JAKMIP2: variants seen among roughly 807,000 people sequenced by gnomAD.
JAKMIP2 encodes janus kinase and microtubule interacting protein 2, also known as janus kinase and microtubule-interacting protein 2.
JAKMIP2 carries 25 observed loss-of-function variants against 115.0 expected under a neutral mutation model. The observed-to-expected ratio is 0.22, with a 90% CI of 0.16 to 0.30. The LOEUF (loss-of-function observed/expected upper bound fraction) is 0.30. JAKMIP2 is among the 10% of genes least tolerant of loss of function. The probability of loss-of-function intolerance (pLI) is 1.00; values close to 1 mark genes in which losing one functional copy is unlikely to be tolerated. For missense variants in JAKMIP2, 642 were observed against 957.6 expected, an observed-to-expected ratio of 0.67 and a Z score of 4.35; for synonymous variants, 334 against 343.6, an observed-to-expected ratio of 0.97 and a Z score of 0.31.
chr5:147,746,481 G>A (rs1398542570), intron 1 of JAKMIP2, among the ~76,000 whole-genome samples: 3 of 151,516 alleles, frequency 2.0e-5, no homozygotes, highest in African/African-American at 4.8e-5. Context: ...ATGAATATAT[G>A]TAAATATAAT....
chr5:147,649,756 A>G (rs967242848), intron 4 of JAKMIP2, among the ~76,000 whole-genome samples: 8 of 152,188 alleles, frequency 5.3e-5, no homozygotes, highest in Non-Finnish European at 1.2e-4. Flanking sequence ...CCATTATTAT[A>G]GCAGCAAAAT....
At chr5:147,709,906 C>T (rs1026639137) in intron 1 of JAKMIP2, among the ~76,000 whole-genome samples, 2 of 152,078 alleles carry the variant, frequency 1.3e-5, no homozygotes, top group Non-Finnish European at 2.9e-5. Context: ...TTCTCCTAAT[C>T]GTAGTCTTTC....
At chr5:147,774,341 CA>C (rs1269454268) in intron 1 of JAKMIP2, among the ~76,000 whole-genome samples, 1 of 152,126 alleles carries the variant, frequency 6.6e-6, no homozygotes, top group Non-Finnish European at 1.5e-5. Flanking sequence ...ATAATATCTT[CA>C]AAACATCTAA....
In JAKMIP2 at chr5:147,626,203, G is replaced by C. The variant is rs559115014; in HGVS notation, c.1996-2514C>G. Among the ~76,000 whole-genome samples, 4 of 152,326 alleles carry C rather than the reference G, an allele frequency of 2.6e-5. No homozygotes were observed. The East Asian group carries it at 5.8e-4, about 22-fold the overall frequency. On this transcript the variant is annotated intron_variant, in intron 16 of 21. Transcript: ENST00000616793. ...TAAATTTAATCTGTGCTTTGCAAAA[G>C]TCTGCACAAAAGGCAGCTGAACAGA...
chr5:147,715,282 G>C (rs1752930758), intron 1 of JAKMIP2, among the ~76,000 whole-genome samples: 1 of 151,612 alleles, frequency 6.6e-6, no homozygotes, highest in Non-Finnish European at 1.5e-5. Context: ...AACATAATGA[G>C]GTAGTAGATT....
intron 1 of JAKMIP2, among the ~76,000 whole-genome samples, chr5:147,694,730 CT>C (rs1487459982): frequency 3.3e-5 from 5 of 152,194 alleles, no homozygotes; most frequent in Non-Finnish European, 5.9e-5. Flanking sequence ...CAGATTCACT[CT>C]TCTTTGCTGT....
At position 147,652,190 on chromosome 5, in the gene JAKMIP2, C is replaced by A. The variant is rs149848853; in HGVS notation, c.628-1643G>T. Among the ~76,000 whole-genome samples the A allele has an allele frequency of 1.8e-4, 28 of 152,172 alleles. No homozygotes were observed. The East Asian group carries it at 5.2e-3, about 28-fold the overall frequency. On this transcript the variant is annotated intron_variant, in intron 3 of 21. Transcript: ENST00000616793. ...GTCGTCATCATTTTACAGGTGATGA[C>A]TGAGGACCTGAAAGCTTAAAAACTT...
intron 1 of JAKMIP2, 102 bp from the exon 2 acceptor site, chr5:147,672,056 G>GTA: frequency 1.3e-6 from 1 of 756,986 alleles, no homozygotes; most frequent in Non-Finnish European, 1.7e-6. Flanking sequence ...GCCTCCTCCT[G>GTA]AGGCTCTCCT....
chr5:147,672,499 A>G (rs1429536222), intron 1 of JAKMIP2, among the ~76,000 whole-genome samples: 2 of 152,238 alleles, frequency 1.3e-5, no homozygotes, highest in African/African-American at 2.4e-5. Context: ...CTCTTTCCAT[A>G]TGCTGTGCTA....
intron 1 of JAKMIP2, among the ~76,000 whole-genome samples, chr5:147,770,767 T>A (rs1755321649): frequency 6.6e-6 from 1 of 152,118 alleles, no homozygotes; most frequent in South Asian, 2.1e-4. Flanking sequence ...TCTTTCTTAT[T>A]TATTGCTTGA....
intron 3 of JAKMIP2, among the ~76,000 whole-genome samples, chr5:147,660,079 T>A (rs970131021): frequency 6.6e-6 from 1 of 152,230 alleles, no homozygotes; most frequent in Admixed American, 6.5e-5. Context: ...CGATAGTTGA[T>A]GTGATAACAT....
chr5:147,676,708 T>C lies in JAKMIP2; in HGVS notation c.-148-4754A>G, dbSNP rs144243373. Among the ~76,000 whole-genome samples the C allele has an allele frequency of 3.4e-4, 52 of 152,338 alleles. No individual in the cohort carries two copies. In the East Asian group the frequency reaches 7.7e-3, roughly 23 times the overall value. On this transcript the variant is annotated intron_variant, in intron 1 of 21. Coordinates refer to ENST00000616793, the MANE Select transcript of JAKMIP2 (RefSeq NM_001270941.2). ...CTGAGTTTCTCTGTAATGGTTTCTA[T>C]CTCTGATAAAGATATTAGAGAAGTT...
chr5:147,585,586 A>C lies in JAKMIP2; in HGVS notation c.*6121T>G, dbSNP rs12656548. On this transcript the variant is annotated 3_prime_UTR_variant, in exon 22 of 22. Transcript: ENST00000616793. ...TTCCAATCTCTACGGTAATACATAC[A>C]GTACATGTACATATTCGGTGTACTT... is the stretch of plus-strand genomic sequence containing the variant. 5.4e-4 allele frequency: 83 copies of C among 152,352 alleles called. 1 individual carries two copies. In the East Asian group the frequency reaches 6.9e-3, roughly 13 times the overall value. 9.4% of individuals were successfully genotyped at this position (152,352 alleles called of 1,614,324 possible).
chr5:147,782,664 G>GGCAGCAGCAGCA lies in JAKMIP2; in HGVS notation c.-369_-358dup, dbSNP rs3840518. The stretch of plus-strand genomic sequence containing the variant: ...TATCAGCAATAGAGGCGGCGGCGGC[G>GGCAGCAGCAGCA]GCAGCAGCAGCAGCAGCAGCATCAC... On this transcript the variant is annotated 5_prime_UTR_variant, in exon 1 of 22. Transcript: ENST00000616793. The GGCAGCAGCAGCA allele has an allele frequency of 9.4e-6, 6 of 636,664 alleles. No individual in the cohort carries two copies. Among genetic ancestry groups the GGCAGCAGCAGCA allele is most frequent in the East Asian group, 5.9e-5 (2 of 33,770 alleles). The allele number at this position is 636,664 out of a possible 1,614,324, so 39.4% of individuals were successfully genotyped here.
At chr5:147,657,365 A>G (rs1255057038) in intron 3 of JAKMIP2, among the ~76,000 whole-genome samples, 3 of 152,232 alleles carry the variant, frequency 2.0e-5, no homozygotes, top group Non-Finnish European at 4.4e-5. Context: ...TTCTGTTGAG[A>G]GATCCGCTGG....
At chr5:147,763,095 G>C (rs1460124007) in intron 1 of JAKMIP2, among the ~76,000 whole-genome samples, 1 of 152,144 alleles carries the variant, frequency 6.6e-6, no homozygotes, top group Non-Finnish European at 1.5e-5. Context: ...TGAGTAGCCT[G>C]AGACTACTCC....
chr5:147,601,481 C>A (rs1755693026), intron 21 of JAKMIP2, among the ~76,000 whole-genome samples: 1 of 151,960 alleles, frequency 6.6e-6, no homozygotes, highest in Admixed American at 6.6e-5. Flanking sequence ...TGCCTGTAGT[C>A]CCAGCTACTC....
At chr5:147,655,315 T>C (rs184402841) in intron 3 of JAKMIP2, among the ~76,000 whole-genome samples, 3 of 152,292 alleles carry the variant, frequency 2.0e-5, no homozygotes, top group Admixed American at 2.0e-4. Flanking sequence ...AATTCAGCTA[T>C]GAATCTGTCT....
chr5:147,692,780 C>G (rs543940141), intron 1 of JAKMIP2, among the ~76,000 whole-genome samples: 1 of 152,194 alleles, frequency 6.6e-6, no homozygotes, highest in South Asian at 2.1e-4. Flanking sequence ...AAAGCTCGCT[C>G]TCTCTTTCTC....
Sources: gnomAD v4.1 joint callset for allele counts (sites outside exome capture counted in the v4.1 genomes callset) on GRCh38, gnomAD v4.1.1 for gene constraint, MANE v1.5 for transcripts, NCBI Gene and HGNC (gene_info 2026-07-23, HGNC 2026-07-21) for gene names.